Variants in C8orf34 observed in about 807,000 individuals in gnomAD.
C8orf34 encodes chromosome 8 open reading frame 34.
A neutral mutation model predicts 68.3 loss-of-function variants in C8orf34; 65 were observed. The ratio of observed to expected loss-of-function variants is 0.95; its 90% CI spans 0.78 to 1.17. C8orf34 has a LOEUF of 1.17. Among genes scored for constraint, C8orf34 ranks in the 50% most tolerant of loss-of-function variants. C8orf34 has a pLI of 0.00. For synonymous variants in C8orf34, 244 were observed against 241.2 expected, an observed-to-expected ratio of 1.01 and a Z score of -0.11; for missense variants, 664 against 655.4, an observed-to-expected ratio of 1.01 and a Z score of -0.14.
chr8:68,794,879 G>A (rs1824132299), intron 12 of C8orf34, among the ~76,000 whole-genome samples: 1 of 152,012 alleles, frequency 6.6e-6, no homozygotes, highest in Non-Finnish European at 1.5e-5. Flanking sequence ...TGTACGTCAT[G>A]TCAATGCTCA....
intron 7 of C8orf34, among the ~76,000 whole-genome samples, chr8:68,602,871 C>A (rs1817739837): frequency 6.6e-6 from 1 of 151,970 alleles, no homozygotes; most frequent in Non-Finnish European, 1.5e-5. Context: ...AGGTATTGCC[C>A]CCCATGTTTT....
At chr8:68,612,557 T>C (rs1413479936) in intron 7 of C8orf34, among the ~76,000 whole-genome samples, 1 of 152,198 alleles carries the variant, frequency 6.6e-6, no homozygotes, top group African/African-American at 2.4e-5. Context: ...TAGTTAAATA[T>C]CACTTTACTC....
chr8:68,330,918 C>G, upstream of C8orf34: 1 of 1,027,970 alleles, frequency 9.7e-7, no homozygotes, highest in Non-Finnish European at 1.3e-6. Flanking sequence ...GCTGCTGCCG[C>G]CCAGAGGAGA....
intron 7 of C8orf34, among the ~76,000 whole-genome samples, chr8:68,616,147 T>A (rs57681412): frequency 1.3e-5 from 2 of 150,036 alleles, no homozygotes; most frequent in Non-Finnish European, 3.0e-5. Context: ...TCCCCTTTAT[T>A]GTTTTTTATT....
intron 12 of C8orf34, among the ~76,000 whole-genome samples, chr8:68,796,695 G>T (rs1203757120): frequency 6.6e-6 from 1 of 152,070 alleles, no homozygotes; most frequent in Middle Eastern, 3.2e-3. Context: ...TCCATTATTG[G>T]ACTTGAGGAA....
At chr8:68,398,273 C>T (rs1284239931) in intron 1 of C8orf34, among the ~76,000 whole-genome samples, 4 of 152,098 alleles carry the variant, frequency 2.6e-5, no homozygotes, top group Non-Finnish European at 5.9e-5. Flanking sequence ...TTCAGGGCCT[C>T]TTAATTTAAA....
At chr8:68,655,604 C>T (rs1418071461) in intron 8 of C8orf34, among the ~76,000 whole-genome samples, 1 of 152,126 alleles carries the variant, frequency 6.6e-6, no homozygotes, top group African/African-American at 2.4e-5. Flanking sequence ...AGCTTTAGCT[C>T]CCTGTCAGCC....
chr8:68,771,709 T>C (rs1201327032), intron 10 of C8orf34, among the ~76,000 whole-genome samples: 1 of 152,130 alleles, frequency 6.6e-6, no homozygotes, highest in Non-Finnish European at 1.5e-5. Context: ...TTCCACTTCG[T>C]CTCCTTCATC....
intron 8 of C8orf34, among the ~76,000 whole-genome samples, chr8:68,685,373 G>A (rs994415713): frequency 1.3e-5 from 2 of 152,068 alleles, no homozygotes; most frequent in Non-Finnish European, 2.9e-5. Flanking sequence ...GAAATTCACA[G>A]CCCAAATTAA....
chr8:68,377,312 C>T (rs924338642), intron 1 of C8orf34, among the ~76,000 whole-genome samples: 6 of 152,062 alleles, frequency 3.9e-5, no homozygotes, highest in African/African-American at 9.7e-5. Context: ...GAGAGAGGAT[C>T]GCTTGAGCCC....
chr8:68,803,841 T>C (rs1333465999), intron 12 of C8orf34, among the ~76,000 whole-genome samples: 3 of 152,174 alleles, frequency 2.0e-5, no homozygotes, highest in Non-Finnish European at 4.4e-5. Context: ...ATTATACTTT[T>C]TGTAGTACTT....
chr8:68,355,254 A>G (rs974975946), intron 1 of C8orf34, among the ~76,000 whole-genome samples: 2 of 152,096 alleles, frequency 1.3e-5, no homozygotes, highest in Non-Finnish European at 2.9e-5. Context: ...CCAAACACAC[A>G]CACAACAAGT....
chr8:68,746,829 T>C (rs931489866), intron 10 of C8orf34, among the ~76,000 whole-genome samples: 9 of 151,778 alleles, frequency 5.9e-5, no homozygotes, highest in Non-Finnish European at 1.3e-4. Context: ...GTACCATTCC[T>C]TCTGAAACTA....
chr8:68,447,435 C>T lies in C8orf34; in HGVS notation c.607+975C>T, dbSNP rs187169373. 7 of 152,284 alleles carry T rather than the reference C, an allele frequency of 4.6e-5. No individual in the cohort carries two copies. The East Asian group carries it at 1.4e-3, about 29-fold the overall frequency. 9.4% of individuals were successfully genotyped at this position (152,284 alleles called of 1,614,324 possible). The stretch of plus-strand genomic sequence containing the variant: ...GTAGCTACTGGGATTCTCCAGTGCT[C>T]TGCTATCCCCACATATGTATAAACA... On this transcript the variant is annotated intron_variant, in intron 3 of 13. Transcript: ENST00000518698.
intron 8 of C8orf34, among the ~76,000 whole-genome samples, chr8:68,700,141 A>G (rs2130931590): frequency 1.3e-5 from 2 of 152,252 alleles, no homozygotes; most frequent in South Asian, 4.1e-4. Context: ...CCTACCGACA[A>G]ATACCAAAAA....
intron 10 of C8orf34, among the ~76,000 whole-genome samples, chr8:68,774,327 GTGTGTATATATA>G (rs1823440650): frequency 1.0e-5 from 1 of 96,050 alleles, no homozygotes; most frequent in Non-Finnish European, 2.2e-5. Context: ...ATATGGGTGT[GTGTGTATATATA>G]TATATATATA....
chr8:68,645,343 T>C (rs1402345641), intron 8 of C8orf34, among the ~76,000 whole-genome samples: 4 of 152,188 alleles, frequency 2.6e-5, no homozygotes, highest in Non-Finnish European at 2.9e-5. Context: ...TGTAAATACT[T>C]GAGCATTTTA....
intron 9 of C8orf34, among the ~76,000 whole-genome samples, chr8:68,714,688 G>C (rs1186126765): frequency 1.3e-5 from 2 of 152,120 alleles, no homozygotes; most frequent in African/African-American, 4.8e-5. Flanking sequence ...TTGTGAGAAT[G>C]ACCACACTGC....
At chr8:68,550,782 T>C (rs1053288386) in intron 7 of C8orf34, among the ~76,000 whole-genome samples, 5 of 151,838 alleles carry the variant, frequency 3.3e-5, no homozygotes, top group Middle Eastern at 6.8e-3. Context: ...TGTTTTTTTT[T>C]TCCCCCTCAG....
Sources: allele counts gnomAD v4.1 joint callset (sites outside exome capture counted in the v4.1 genomes callset), GRCh38; gene constraint gnomAD v4.1.1; transcripts MANE v1.5; gene names NCBI Gene and HGNC (gene_info 2026-07-23, HGNC 2026-07-21).